The following ZNF385D variants were observed in gnomAD, a reference collection of about 807,000 sequenced individuals.
The protein encoded by ZNF385D is zinc finger protein 659.
ZNF385D carries 15 observed loss-of-function variants against 35.8 expected under a neutral mutation model. The ratio of observed to expected loss-of-function variants is 0.42; its 90% CI spans 0.28 to 0.64. The LOEUF (loss-of-function observed/expected upper bound fraction) is 0.64. Ranked by LOEUF, ZNF385D falls within the 30% of genes least tolerant of loss-of-function variation. ZNF385D has a pLI of 0.23. For missense variants in ZNF385D, 474 were observed against 494.6 expected (o/e 0.96, Z 0.39); for synonymous variants, 212 against 186.8 (o/e 1.13, Z -1.10).
At chr3:22,322,234 G>A (rs1163910319) in intron 2 of ZNF385D, among the ~76,000 whole-genome samples, 1 of 152,048 alleles carries the variant, frequency 6.6e-6, no homozygotes, top group Non-Finnish European at 1.5e-5. Flanking sequence ...TGTAGTACCT[G>A]TTGTTTGGCA....
At chr3:21,706,355 C>T (rs938380046) in intron 1 of ZNF385D, among the ~76,000 whole-genome samples, 5 of 151,802 alleles carry the variant, frequency 3.3e-5, no homozygotes, top group African/African-American at 7.3e-5. Flanking sequence ...TGACAGCTCA[C>T]GTGACATTTT....
At chr3:22,009,676 A>T (rs1365807753) in intron 3 of ZNF385D, among the ~76,000 whole-genome samples, 1 of 151,868 alleles carries the variant, frequency 6.6e-6, no homozygotes, top group Non-Finnish European at 1.5e-5. Context: ...GTGCAGAAGG[A>T]TGTGTCAAAT....
chr3:22,087,315 T>A (rs1031333489), intron 3 of ZNF385D, among the ~76,000 whole-genome samples: 1 of 152,172 alleles, frequency 6.6e-6, no homozygotes, highest in Non-Finnish European at 1.5e-5. Context: ...CTAAGCCTTT[T>A]ATTTATATTT....
At chr3:21,879,602 C>A (rs143077722) in intron 3 of ZNF385D, among the ~76,000 whole-genome samples, 2 of 152,000 alleles carry the variant, frequency 1.3e-5, no homozygotes, top group African/African-American at 4.8e-5. Context: ...CTAAATACAA[C>A]GCTTTTCTCA....
chr3:22,191,863 T>C (rs1696055355), intron 2 of ZNF385D, among the ~76,000 whole-genome samples: 1 of 152,124 alleles, frequency 6.6e-6, no homozygotes, highest in African/African-American at 2.4e-5. Context: ...TGTATCAATA[T>C]TTTACTTACT....
Position 21,733,415 on chromosome 3 carries a change from C to T in ZNF385D, c.22+17480G>A, listed in dbSNP as rs185599395. Among the ~76,000 whole-genome samples, 325 of 152,198 alleles carry T rather than the reference C, an allele frequency of 2.1e-3. 1 individual carries two copies. The highest frequency in any genetic ancestry group is 3.6e-3 in the Non-Finnish European group (242 of 67,988). On this transcript the variant is annotated intron_variant, in intron 1 of 7. Transcript: ENST00000281523. ...TAGAATAAGCTTGTCAATGTTTGTT[C>T]ATATTCTTCATCAATTTTTCTTAGT...
chr3:22,189,946 T>C (rs901706477), intron 2 of ZNF385D, among the ~76,000 whole-genome samples: 4 of 152,142 alleles, frequency 2.6e-5, no homozygotes, highest in African/African-American at 9.7e-5. Flanking sequence ...GCTATATATA[T>C]GCTAACCCTC....
chr3:21,970,793 A>G (rs9871168), intron 3 of ZNF385D, among the ~76,000 whole-genome samples: 28,936 of 152,056 alleles, frequency 0.19, 3,090 homozygotes, highest in African/African-American at 0.27. Flanking sequence ...GACAAACATA[A>G]AGAAAGGATC....
chr3:22,185,696 A>G (rs1224260917), intron 2 of ZNF385D, among the ~76,000 whole-genome samples: 1 of 152,108 alleles, frequency 6.6e-6, no homozygotes, highest in Non-Finnish European at 1.5e-5. Flanking sequence ...TTGAACTCCT[A>G]ACGTCATGAT....
At chr3:21,750,855 C>G in intron 1 of ZNF385D, 40 bp downstream of exon 1, 1 of 1,612,576 alleles carries the variant, frequency 6.2e-7, no homozygotes. Flanking sequence ...GATGAAGAGC[C>G]GGACACCCCC....
intron 3 of ZNF385D, among the ~76,000 whole-genome samples, chr3:21,867,122 G>A (rs1697407337): frequency 6.6e-6 from 1 of 152,054 alleles, no homozygotes; most frequent in South Asian, 2.1e-4. Flanking sequence ...CATGTTAGAA[G>A]GGAGGGGGGC....
At chr3:22,006,311 T>C (rs1696196169) in intron 3 of ZNF385D, among the ~76,000 whole-genome samples, 1 of 152,156 alleles carries the variant, frequency 6.6e-6, no homozygotes, top group African/African-American at 2.4e-5. Flanking sequence ...CAAATGGTTT[T>C]GTATTTCCTA....
At chr3:21,454,987 T>G (rs1430339191) in intron 4 of ZNF385D, among the ~76,000 whole-genome samples, 4 of 152,156 alleles carry the variant, frequency 2.6e-5, no homozygotes, top group Non-Finnish European at 5.9e-5. Context: ...CATTCACAAT[T>G]GCTTCAAAGA....
At chr3:21,590,354 A>C (rs551576223) in intron 2 of ZNF385D, among the ~76,000 whole-genome samples, 4 of 152,332 alleles carry the variant, frequency 2.6e-5, no homozygotes, top group Admixed American at 2.6e-4. Flanking sequence ...GAGAAGCACA[A>C]ATTATTTTAA....
chr3:21,746,643 T>C (rs920759523), intron 1 of ZNF385D, among the ~76,000 whole-genome samples: 6 of 152,214 alleles, frequency 3.9e-5, no homozygotes, highest in Admixed American at 2.6e-4. Flanking sequence ...TCTTCCTGAA[T>C]TATTCTCACC....
intron 2 of ZNF385D, among the ~76,000 whole-genome samples, chr3:21,662,602 T>A (rs776865800): frequency 6.6e-6 from 1 of 152,198 alleles, no homozygotes; most frequent in Non-Finnish European, 1.5e-5. Flanking sequence ...TACCTGATTA[T>A]GGGCTTTCCA....
Position 21,742,997 on chromosome 3 carries a change from G to A in ZNF385D, c.22+7898C>T, listed in dbSNP as rs997839070. Among the ~76,000 whole-genome samples the A allele has an allele frequency of 3.9e-5, 6 of 152,174 alleles. No homozygotes were observed. The East Asian group carries it at 1.2e-3, about 29-fold the overall frequency. On this transcript the variant is annotated intron_variant, in intron 1 of 7. Coordinates refer to ENST00000281523, the MANE Select transcript of ZNF385D (RefSeq NM_024697.3). ...TTTCCAGTGCTAGGCACTTTTATGT[G>A]TATAGCATATTTTAGTTCTCCAAAT...
At position 21,418,482 on chromosome 3, in the gene ZNF385D, A is replaced by G. The variant is rs1181846091; in HGVS notation, c.*2732T>C. 5 of 152,128 alleles carry G rather than the reference A, an allele frequency of 3.3e-5. No individual in the cohort carries two copies. The highest frequency in any genetic ancestry group is 7.4e-5 in the Non-Finnish European group (5 of 68,010). The allele number at this position is 152,128 out of a possible 1,614,324, so 9.4% of individuals were successfully genotyped here. A position where few individuals can be genotyped will look rare whatever the true frequency, so the allele number is the denominator to read the frequency against. ...GAATAAAAGACAACTGATGCTTACA[A>G]CTCCAATTTAAAAGACCATTTAAAC... On this transcript the variant is annotated 3_prime_UTR_variant, in exon 8 of 8. Coordinates refer to ENST00000281523, the MANE Select transcript of ZNF385D (RefSeq NM_024697.3).
At chr3:22,176,272 C>A (rs1694827344) in intron 2 of ZNF385D, among the ~76,000 whole-genome samples, 1 of 151,958 alleles carries the variant, frequency 6.6e-6, no homozygotes, top group Non-Finnish European at 1.5e-5. Flanking sequence ...TAAAGATAAA[C>A]CAGGGGAAAG....
Sources: allele counts gnomAD v4.1 joint callset (sites outside exome capture counted in the v4.1 genomes callset), GRCh38; gene constraint gnomAD v4.1.1; transcripts MANE v1.5; gene names NCBI Gene and HGNC (gene_info 2026-07-23, HGNC 2026-07-21).